The following POLH variants were observed in gnomAD, a reference collection of about 807,000 sequenced individuals.
POLH encodes DNA polymerase eta transcript.
POLH carries 53 observed loss-of-function variants against 73.6 expected under a neutral mutation model. That is an observed-to-expected ratio of 0.72 (90% confidence interval 0.58 to 0.91). The LOEUF (loss-of-function observed/expected upper bound fraction) is 0.91, where lower values mean the gene tolerates loss of function less well. Ranked by LOEUF, POLH falls within the 40% of genes least tolerant of loss-of-function variation. The probability of loss-of-function intolerance (pLI) is 0.00; values close to 1 mark genes in which losing one functional copy is unlikely to be tolerated. For synonymous variants in POLH, 292 were observed against 308.5 expected, an observed-to-expected ratio of 0.95 and a Z score of 0.56; for missense variants, 768 against 865.4, an observed-to-expected ratio of 0.89 and a Z score of 1.41.
At chr6:43,608,697 T>C (rs779632508) in intron 9 of POLH, among the ~76,000 whole-genome samples, 1 of 152,208 alleles carries the variant, frequency 6.6e-6, no homozygotes, top group Non-Finnish European at 1.5e-5. Flanking sequence ...CCTAGCCTTT[T>C]CTTCCCTCTT....
Position 43,613,714 on chromosome 6 carries a change from C to A in POLH, c.1299C>A (p.Ala433=), listed in dbSNP as rs140331414. ...GTGCTACAAAATTTTCTGCCTCTGCCCCTTCATCTTCTACAGACATCACCA... is the reference window on the plus strand; with the variant it reads ...GTGCTACAAAATTTTCTGCCTCTGCACCTTCATCTTCTACAGACATCACCA... ...FLCATKFSAS[A]PSSSTDITSF... Residue 433 remains alanine (A), a synonymous_variant, in exon 11 of 11, where the codon GCC becomes GCA. Coordinates refer to ENST00000372236, the MANE Select transcript of POLH (RefSeq NM_006502.3). 86 of 1,613,870 alleles carry A rather than the reference C, an allele frequency of 5.3e-5. No individual in the cohort carries two copies. The African/African-American group carries it at 8.7e-4, about 16-fold the overall frequency.
chr6:43,607,093 T>C (rs896092760), intron 9 of POLH, among the ~76,000 whole-genome samples: 2 of 152,182 alleles, frequency 1.3e-5, no homozygotes, highest in African/African-American at 4.8e-5. Flanking sequence ...TCATTTTTTG[T>C]TTGTTTTGTT....
intron 1 of POLH, among the ~76,000 whole-genome samples, chr6:43,579,915 A>T (rs563918832): frequency 0.061 from 7,725 of 126,392 alleles, 657 homozygotes; most frequent in African/African-American, 0.25. Flanking sequence ...TTTTTTTTTT[A>T]AATTTATTTT....
chr6:43,581,691 C>CGGTCGGGCGGCAGCGGCTGT, intron 1 of POLH, among the ~76,000 whole-genome samples: 1 of 145,324 alleles, frequency 6.9e-6, no homozygotes, highest in African/African-American at 2.7e-5. Context: ...GCGGCGGCTG[C>CGGTCGGGCGGCAGCGGCTGT]GGTCGGTCGC....
rs60046548 is a variant in POLH at position 43,619,364 on chromosome 6, CAAAA to C, written c.*4834_*4837del. ...TGGGTGACAGTCTGAGACCCTGTCT[CAAAA>C]AAAAAAAAAAAAAAAAAAAAAAAAA... On this transcript the variant is annotated 3_prime_UTR_variant, in exon 11 of 11. Transcript: ENST00000372236. Among the ~76,000 whole-genome samples the C allele has an allele frequency of 2.7e-4, 10 of 37,050 alleles. No individual in the cohort carries two copies. Among genetic ancestry groups the C allele is most frequent in the African/African-American group, 4.1e-4 (7 of 17,166 alleles). 24.3% of individuals were successfully genotyped at this position (37,050 alleles called of 152,430 possible).
intron 9 of POLH, among the ~76,000 whole-genome samples, chr6:43,607,375 G>A (rs911785093): frequency 6.6e-6 from 1 of 152,250 alleles, no homozygotes; most frequent in African/African-American, 2.4e-5. Context: ...TTACAGGCGT[G>A]AGCCACTGCG....
At chr6:43,604,048 T>G (rs1339646508) in intron 7 of POLH, 37 bp downstream of exon 7, 1 of 1,541,706 alleles carries the variant, frequency 6.5e-7, no homozygotes. Flanking sequence ...ATAACCTTTA[T>G]GGAGATGCTA....
intron 6 of POLH, among the ~76,000 whole-genome samples, chr6:43,603,161 C>T (rs1339545155): frequency 6.6e-6 from 1 of 151,828 alleles, no homozygotes; most frequent in Admixed American, 6.6e-5. Context: ...GCCACCATGC[C>T]CAGTTAATTT....
rs1768323842 is a variant in POLH, at chr6:43,616,157, G to GT, written c.*1601dup. 1.3e-5 allele frequency among the ~76,000 whole-genome samples: 2 copies of GT among 151,896 alleles called. No individual in the cohort carries two copies. Among genetic ancestry groups the GT allele is most frequent in the South Asian group, 4.2e-4 (2 of 4,810 alleles). On this transcript the variant is annotated 3_prime_UTR_variant, in exon 11 of 11. Coordinates refer to ENST00000372236, the MANE Select transcript of POLH (RefSeq NM_006502.3). ...TAGCCGGGTGCGGTGGCAGGCGCCT[G>GT]TAGTCCCAGCTACTCGGGAGGCTGA...
intron 1 of POLH, among the ~76,000 whole-genome samples, chr6:43,581,576 T>A (rs901688848): frequency 6.7e-6 from 1 of 150,198 alleles, no homozygotes; most frequent in Non-Finnish European, 1.5e-5. Flanking sequence ...GCGGGGCCCG[T>A]CCGCTCCTCC....
intron 3 of POLH, among the ~76,000 whole-genome samples, chr6:43,584,873 G>T (rs1764632557): frequency 6.6e-6 from 1 of 152,170 alleles, no homozygotes; most frequent in African/African-American, 2.4e-5. Flanking sequence ...GGGCATGGTG[G>T]CTCACGCCTG....
In POLH at chr6:43,582,328, T is replaced by A; in HGVS notation, c.9T>A (p.Thr3=). The A allele has an allele frequency of 1.2e-6, 2 of 1,614,184 alleles. No homozygotes were observed. Among genetic ancestry groups the A allele is most frequent in the Non-Finnish European group, 1.7e-6 (2 of 1,180,006 alleles). The change falls in exon 2 of 11, where the codon ACT becomes ACA. Residue 3 remains threonine (T), a synonymous_variant. Coordinates refer to ENST00000372236, the MANE Select transcript of POLH (RefSeq NM_006502.3). MA[T]GQDRVVALVD... ...TGTTGTGTTACAGAAAAATGGCTACTGGACAGGATCGAGTGGTTGCTCTCG... is the reference window on the plus strand; with the variant it reads ...TGTTGTGTTACAGAAAAATGGCTACAGGACAGGATCGAGTGGTTGCTCTCG...
intron 3 of POLH, among the ~76,000 whole-genome samples, 170 bp from the exon 4 acceptor site, chr6:43,587,102 A>G (rs1053351439): frequency 6.6e-6 from 1 of 152,098 alleles, no homozygotes; most frequent in Non-Finnish European, 1.5e-5. Flanking sequence ...TCTATTATTG[A>G]CCATCTGCCT....
rs1350353473 is a variant in POLH at position 43,596,151 on chromosome 6, A to G, written c.491-1545A>G. ...ATAAACTTGCCATAAGCCCTAAAGT[A>G]TAGATGTGTTTAAGCAAAGGAAAGA... On this transcript the variant is annotated intron_variant, in intron 4 of 10. Coordinates refer to ENST00000372236, the MANE Select transcript of POLH (RefSeq NM_006502.3). Among the ~76,000 whole-genome samples the G allele has an allele frequency of 5.9e-5, 9 of 152,348 alleles. No individual in the cohort carries two copies. In the South Asian group the frequency reaches 1.9e-3, roughly 32 times the overall value.
At chr6:43,610,056 C>CTTTTTTTTT (rs1297780442) in intron 9 of POLH, among the ~76,000 whole-genome samples, 4 of 98,498 alleles carry the variant, frequency 4.1e-5, no homozygotes, top group Admixed American at 1.2e-4. Flanking sequence ...TATATAGATT[C>CTTTTTTTTT]TTTTTTTTTT....
chr6:43,618,104 GT>G lies in POLH; in HGVS notation c.*3550del, dbSNP rs1768466753. On this transcript the variant is annotated 3_prime_UTR_variant, in exon 11 of 11. Coordinates refer to ENST00000372236, the MANE Select transcript of POLH (RefSeq NM_006502.3). ...ACTGAGTGTAAATATTTAGCTTAGG[GT>G]TTAAAATTTGTTATGTAGCTTTTTG... is the stretch of plus-strand genomic sequence containing the variant. Among the ~76,000 whole-genome samples, 1 of 152,084 alleles carries G rather than the reference GT, an allele frequency of 6.6e-6. No individual in the cohort carries two copies. Among genetic ancestry groups the G allele is most frequent in the Non-Finnish European group, 1.5e-5 (1 of 68,006 alleles).
chr6:43,585,922 G>C (rs1764776123), intron 3 of POLH, among the ~76,000 whole-genome samples: 1 of 151,534 alleles, frequency 6.6e-6, no homozygotes, highest in South Asian at 2.1e-4. Context: ...GGGATTACAG[G>C]TGTGAACTGC....
intron 1 of POLH, among the ~76,000 whole-genome samples, chr6:43,578,987 C>T (rs1763709594): frequency 6.6e-6 from 1 of 152,102 alleles, no homozygotes; most frequent in Non-Finnish European, 1.5e-5. Flanking sequence ...CTTTTAATAC[C>T]TATTGCCTTC....
At chr6:43,595,769 C>T (rs141588070) in intron 4 of POLH, among the ~76,000 whole-genome samples, 2,837 of 151,528 alleles carry the variant, frequency 0.019, 35 homozygotes, top group South Asian at 0.041. Flanking sequence ...GGCAACAGAG[C>T]GAGATTCTAT....
Sources: allele counts gnomAD v4.1 joint callset (sites outside exome capture counted in the v4.1 genomes callset), GRCh38; gene constraint gnomAD v4.1.1; transcripts MANE v1.5; gene names NCBI Gene and HGNC (gene_info 2026-07-23, HGNC 2026-07-21).